MCRIP1: variants seen among roughly 807,000 people sequenced by gnomAD.
MCRIP1 encodes the protein mapk-regulated corepressor-interacting protein 1.
Under a neutral mutation model 14.4 loss-of-function variants are expected in MCRIP1, and 10 were observed. The observed-to-expected ratio is 0.70, with a 90% CI of 0.43 to 1.18. MCRIP1 has a LOEUF of 1.18. Ranked by LOEUF, MCRIP1 falls within the 50% of genes most tolerant of loss-of-function variation. The probability of loss-of-function intolerance (pLI) is 0.00; values close to 1 mark genes in which losing one functional copy is unlikely to be tolerated. For missense variants in MCRIP1, 119 were observed against 135.4 expected (o/e 0.88, Z 0.60); for synonymous variants, 53 against 55.7 (o/e 0.95, Z 0.21).
chr17:81,823,010 G>C lies in MCRIP1; in HGVS notation c.*237C>G, dbSNP rs748683485. 5 of 599,670 alleles carry C rather than the reference G, an allele frequency of 8.3e-6. No individual in the cohort carries two copies. Among genetic ancestry groups the C allele is most frequent in the Non-Finnish European group, 1.5e-5 (5 of 337,386 alleles). The allele number at this position is 599,670 out of a possible 1,614,324, so 37.1% of individuals were successfully genotyped here. On this transcript the variant is annotated 3_prime_UTR_variant, in exon 5 of 5. Transcript: ENST00000455127. This position sits in a 1 kb window ranked among gnomAD's most constrained non-coding sequence, Gnocchi z 6.0. ...AAAATGCAGCCAGGTGGCTGGGGGAGGGCAGGAGGGTGGGCAGGGCCCAGA... is the reference window on the plus strand; with the variant it reads ...AAAATGCAGCCAGGTGGCTGGGGGACGGCAGGAGGGTGGGCAGGGCCCAGA...
At chr17:81,831,930 C>T (rs969687655) in intron 1 of MCRIP1, among the ~76,000 whole-genome samples, 4 of 152,124 alleles carry the variant, frequency 2.6e-5, no homozygotes, top group Admixed American at 2.6e-4. Flanking sequence ...GTAGAACCTT[C>T]CTCCTCCAGG....
At chr17:81,829,316 C>T (rs1004814672) in intron 1 of MCRIP1, among the ~76,000 whole-genome samples, 7 of 152,180 alleles carry the variant, frequency 4.6e-5, no homozygotes, top group Admixed American at 2.6e-4. Context: ...TCAGAGGTCT[C>T]GAGACCCCAT....
chr17:81,830,733 C>T (rs938108639), intron 1 of MCRIP1, among the ~76,000 whole-genome samples: 2 of 150,156 alleles, frequency 1.3e-5, no homozygotes, highest in Admixed American at 6.7e-5. Flanking sequence ...TAGAAAGAGC[C>T]CCATCTCGAC....
At position 81,828,040 on chromosome 17, in the gene MCRIP1, A is replaced by G. The variant is rs188180418; in HGVS notation, c.-48-3486T>C. Among the ~76,000 whole-genome samples the G allele has an allele frequency of 1.0e-3, 152 of 152,108 alleles. 1 individual carries two copies. The highest frequency in any genetic ancestry group is 3.4e-3 in the African/African-American group (142 of 41,468). The stretch of plus-strand genomic sequence containing the variant: ...CGTGATCCATCTGCTTCGGCCTCCC[A>G]AAGTGCTGAGATTACAGGTGTGAGC... On this transcript the variant is annotated intron_variant, in intron 1 of 4. Transcript: ENST00000455127.
chr17:81,830,853 T>C (rs1187098947), intron 1 of MCRIP1, among the ~76,000 whole-genome samples: 5 of 147,368 alleles, frequency 3.4e-5, no homozygotes, highest in South Asian at 2.1e-4. Flanking sequence ...CAAAACCCCA[T>C]TGCTACTAAA....
At chr17:81,824,178 G>A (rs993338841) in intron 3 of MCRIP1, 109 bp downstream of exon 3, 5 of 864,814 alleles carry the variant, frequency 5.8e-6, no homozygotes, top group Non-Finnish European at 9.1e-6. Context: ...GCCCTGGAGG[G>A]GCAGGGGCAG....
At position 81,823,195 on chromosome 17, in the gene MCRIP1, C is replaced by A; in HGVS notation, c.*52G>T. 1 of 1,516,566 alleles carries A rather than the reference C, an allele frequency of 6.6e-7. No individual in the cohort carries two copies. The allele number at this position is 1,516,566 out of a possible 1,614,324, so 93.9% of individuals were successfully genotyped here. A position where few individuals can be genotyped will look rare whatever the true frequency, so the allele number is the denominator to read the frequency against. On this transcript the variant is annotated 3_prime_UTR_variant, in exon 5 of 5. Transcript: ENST00000455127. The surrounding 1 kb of genome is among the most constrained non-coding windows in gnomAD (Gnocchi z 6.0). The stretch of plus-strand genomic sequence containing the variant: ...GGCAGGACCACAGGACAGGAGGGAA[C>A]CGACACCTCGCACCCTGATCTTCCG...
intron 1 of MCRIP1, among the ~76,000 whole-genome samples, chr17:81,827,072 C>T (rs1442495289): frequency 7.4e-5 from 11 of 149,320 alleles, no homozygotes; most frequent in African/African-American, 2.2e-4. Context: ...GAGCCGAGAT[C>T]GTGCCACTGC....
intron 1 of MCRIP1, among the ~76,000 whole-genome samples, chr17:81,829,065 C>T (rs1598254237): frequency 6.6e-6 from 1 of 152,160 alleles, no homozygotes; most frequent in African/African-American, 2.4e-5. Flanking sequence ...TGTGGAGGGA[C>T]CCAGGACCAT....
At chr17:81,827,288 T>C (rs1430909564) in intron 1 of MCRIP1, among the ~76,000 whole-genome samples, 1 of 151,724 alleles carries the variant, frequency 6.6e-6, no homozygotes, top group African/African-American at 2.4e-5. Context: ...ATTTATTTAT[T>C]TGAGATGGAG....
chr17:81,824,712 C>T, intron 1 of MCRIP1, 158 bp from the exon 2 acceptor site: 1 of 1,450,818 alleles, frequency 6.9e-7, no homozygotes, highest in Non-Finnish European at 9.1e-7. Context: ...TGGGGTCCAG[C>T]CACAGGCAGC....
intron 1 of MCRIP1, chr17:81,826,379 C>A: frequency 2.0e-6 from 3 of 1,535,552 alleles, no homozygotes; most frequent in East Asian, 2.4e-5. Context: ...TATGAACACA[C>A]CTGGTGTGGC....
chr17:81,825,756 G>A (rs1006426542), intron 1 of MCRIP1: 64 of 1,289,150 alleles, frequency 5.0e-5, no homozygotes, highest in African/African-American at 1.1e-4. Flanking sequence ...CCCCACCCAC[G>A]GCAGCACCCA....
intron 1 of MCRIP1, among the ~76,000 whole-genome samples, chr17:81,831,952 C>T (rs1415777781): frequency 1.3e-5 from 2 of 152,108 alleles, no homozygotes; most frequent in Non-Finnish European, 2.9e-5. Flanking sequence ...GACCCAAGGG[C>T]TTTAGAGACT....
chr17:81,832,525 T>G (rs760503248), intron 1 of MCRIP1, among the ~76,000 whole-genome samples: 1 of 152,234 alleles, frequency 6.6e-6, no homozygotes, highest in Non-Finnish European at 1.5e-5. Context: ...CTGGTCCCTG[T>G]TTACACCTCA....
chr17:81,827,145 G>A (rs2038423272), intron 1 of MCRIP1, among the ~76,000 whole-genome samples: 1 of 151,550 alleles, frequency 6.6e-6, no homozygotes, highest in Non-Finnish European at 1.5e-5. Context: ...GCCAGGTACG[G>A]TTGCTGGCCT....
chr17:81,823,376 C>T lies in MCRIP1; in HGVS notation c.229+36G>A, dbSNP rs1484564091. 1.4e-5 allele frequency: 22 copies of T among 1,535,560 alleles called. No individual in the cohort carries two copies. The highest frequency in any genetic ancestry group is 1.3e-4 in the South Asian group (11 of 84,014). On this transcript the variant is annotated intron_variant, in intron 4 of 4. Coordinates refer to ENST00000455127, the MANE Select transcript of MCRIP1 (RefSeq NM_207368.5). This position sits in a 1 kb window ranked among gnomAD's most constrained non-coding sequence, Gnocchi z 6.0. ...CTCCTGCCCATGAGGCCCGGCCTGCCGGCCCAGCCCTGCCCCCAGGTCAGC... is the reference window on the plus strand; with the variant it reads ...CTCCTGCCCATGAGGCCCGGCCTGCTGGCCCAGCCCTGCCCCCAGGTCAGC...
intron 1 of MCRIP1, among the ~76,000 whole-genome samples, chr17:81,830,395 G>C (rs986195331): frequency 1.1e-4 from 17 of 152,056 alleles, no homozygotes; most frequent in African/African-American, 4.1e-4. Flanking sequence ...CCAGCACGTT[G>C]GGAGGCTGAG....
intron 1 of MCRIP1, chr17:81,825,252 C>A (rs764109714): frequency 3.5e-4 from 384 of 1,093,708 alleles, no homozygotes; most frequent in Non-Finnish European, 4.2e-4. Flanking sequence ...CGTTTATGGC[C>A]TCCCAGCCCA....
Sources: gnomAD v4.1 joint callset for allele counts (sites outside exome capture counted in the v4.1 genomes callset) on GRCh38, gnomAD v4.1.1 for gene constraint, Gnocchi (gnomAD v3.1) non-coding constraint, MANE v1.5 for transcripts, NCBI Gene and HGNC (gene_info 2026-07-23, HGNC 2026-07-21) for gene names.